The following CRTAC1 variants were observed in gnomAD, a reference collection of about 807,000 sequenced individuals.
CRTAC1 encodes cartilage acidic protein 1.
A neutral mutation model predicts 67.8 loss-of-function variants in CRTAC1; 37 were observed. The observed-to-expected ratio is 0.55, with a 90% CI of 0.42 to 0.72. The LOEUF is 0.72. CRTAC1 is among the 30% of genes least tolerant of loss of function. CRTAC1 has a pLI of 0.00. For missense variants in CRTAC1, 780 were observed against 931.6 expected (o/e 0.84, Z 2.12); for synonymous variants, 348 against 371.0 (o/e 0.94, Z 0.71).
chr10:97,986,660 G>A (rs1464739207), intron 2 of CRTAC1, among the ~76,000 whole-genome samples: 3 of 152,070 alleles, frequency 2.0e-5, no homozygotes, highest in South Asian at 4.1e-4. Flanking sequence ...TAATTTTAGC[G>A]TTATGAAAAT....
At chr10:97,952,684 T>C (rs527402604) in intron 2 of CRTAC1, among the ~76,000 whole-genome samples, 2 of 151,478 alleles carry the variant, frequency 1.3e-5, no homozygotes, top group Non-Finnish European at 2.9e-5. Flanking sequence ...GTGAGACCCA[T>C]CCCTGGTCCT....
intron 11 of CRTAC1, among the ~76,000 whole-genome samples, chr10:97,894,999 A>G (rs1282645185): frequency 6.6e-6 from 1 of 151,784 alleles, no homozygotes; most frequent in Non-Finnish European, 1.5e-5. Context: ...AAGGTGAACT[A>G]ATTCCACAGA....
chr10:97,969,670 C>T (rs566974796), intron 2 of CRTAC1, among the ~76,000 whole-genome samples: 47 of 152,214 alleles, frequency 3.1e-4, no homozygotes, highest in Admixed American at 1.5e-3. Context: ...AGACCATGGA[C>T]GACCCCACAG....
chr10:97,933,215 T>C (rs559636101), intron 3 of CRTAC1, among the ~76,000 whole-genome samples: 4 of 152,214 alleles, frequency 2.6e-5, no homozygotes, highest in Non-Finnish European at 5.9e-5. Flanking sequence ...ACCAATGGGA[T>C]CACTCAACTG....
At chr10:97,979,281 T>A (rs1305598023) in intron 2 of CRTAC1, among the ~76,000 whole-genome samples, 2 of 152,204 alleles carry the variant, frequency 1.3e-5, no homozygotes, top group Non-Finnish European at 2.9e-5. Flanking sequence ...ACTCTGGACA[T>A]GCTCAGTTAG....
intron 1 of CRTAC1, among the ~76,000 whole-genome samples, chr10:98,024,698 G>T (rs577335527): frequency 1.1e-4 from 16 of 142,822 alleles, no homozygotes; most frequent in African/African-American, 4.1e-4. Flanking sequence ...TAGGGTTTTT[G>T]AAGGGCAAAT....
At chr10:97,880,437 A>T (rs762271485) in intron 13 of CRTAC1, 45 bp from the exon 14 acceptor site, 1 of 1,600,520 alleles carries the variant, frequency 6.2e-7, no homozygotes, top group South Asian at 1.1e-5. Context: ...GTGGGGCAGC[A>T]AGTACCAGCC....
At chr10:97,884,139 C>T (rs2136541738) in intron 12 of CRTAC1, 67 bp downstream of exon 12, 1 of 1,512,568 alleles carries the variant, frequency 6.6e-7, no homozygotes, top group Non-Finnish European at 8.9e-7. Flanking sequence ...GGGAACCCAG[C>T]TTCAGCCCAT....
chr10:97,926,877 G>C (rs1017915102), intron 3 of CRTAC1, among the ~76,000 whole-genome samples: 1 of 152,142 alleles, frequency 6.6e-6, no homozygotes, highest in Non-Finnish European at 1.5e-5. Flanking sequence ...AGCCTCTGAG[G>C]ATGGTCTCTG....
At chr10:97,922,912 G>T (rs1192530715) in intron 4 of CRTAC1, among the ~76,000 whole-genome samples, 1 of 152,190 alleles carries the variant, frequency 6.6e-6, no homozygotes, top group African/African-American at 2.4e-5. Flanking sequence ...ATGAATACAG[G>T]CAGGATTTAG....
At chr10:97,937,770 TG>T in intron 2 of CRTAC1, among the ~76,000 whole-genome samples, 2 of 152,294 alleles carry the variant, frequency 1.3e-5, no homozygotes, top group Middle Eastern at 6.8e-3. Context: ...GGCCTCTTCC[TG>T]CCCACTGGGA....
At chr10:97,928,230 C>G (rs1019323053) in intron 3 of CRTAC1, among the ~76,000 whole-genome samples, 2 of 152,094 alleles carry the variant, frequency 1.3e-5, no homozygotes, top group Non-Finnish European at 2.9e-5. Flanking sequence ...GTAGAACCAC[C>G]ATTTGCTGCC....
At chr10:97,931,070 T>C (rs2147879) in intron 3 of CRTAC1, among the ~76,000 whole-genome samples, 135,152 of 152,270 alleles carry the variant, frequency 0.89, 60,550 homozygotes, top group South Asian at 0.96. Context: ...TATGAGCAGA[T>C]AAGAAATTCA....
intron 2 of CRTAC1, among the ~76,000 whole-genome samples, chr10:97,947,239 T>C (rs578143576): frequency 1.3e-5 from 2 of 152,304 alleles, no homozygotes; most frequent in South Asian, 4.2e-4. Context: ...CGAGGTACTG[T>C]GATGGACGCA....
intron 2 of CRTAC1, among the ~76,000 whole-genome samples, chr10:97,964,290 A>G (rs1035396861): frequency 6.6e-6 from 1 of 152,234 alleles, no homozygotes; most frequent in African/African-American, 2.4e-5. Context: ...AGCATGTGAG[A>G]AATGACAGCC....
chr10:97,914,876 T>C (rs10883015), intron 5 of CRTAC1, among the ~76,000 whole-genome samples: 108,934 of 151,946 alleles, frequency 0.72, 39,395 homozygotes, highest in East Asian at 0.84. Context: ...ATCTCTCGCT[T>C]GGCCACCCTC....
Position 97,872,157 on chromosome 10 carries a change from C to T in CRTAC1, c.1820-6443G>A, listed in dbSNP as rs575167667. Among the ~76,000 whole-genome samples the T allele has an allele frequency of 6.4e-4, 93 of 146,302 alleles. 2 individuals are homozygous for T. In the South Asian group the frequency reaches 0.022, roughly 34 times the overall value. On this transcript the variant is annotated intron_variant, in intron 14 of 14. Coordinates refer to ENST00000370597, the MANE Select transcript of CRTAC1 (RefSeq NM_018058.7). ...CTATCCTGAGTGCTTGTTTCAGGGC[C>T]TGGCCCTGGCCAGGTGAATGGAAGA... is the stretch of plus-strand genomic sequence containing the variant.
chr10:97,930,107 C>T (rs11189446), intron 3 of CRTAC1, among the ~76,000 whole-genome samples: 123,746 of 152,158 alleles, frequency 0.81, 51,420 homozygotes, highest in Non-Finnish European at 0.89. Context: ...GCCAGGAAGG[C>T]AGAGTCTTCA....
chr10:97,927,681 G>T (rs2050941685), intron 3 of CRTAC1, among the ~76,000 whole-genome samples: 1 of 152,246 alleles, frequency 6.6e-6, no homozygotes, highest in Non-Finnish European at 1.5e-5. Flanking sequence ...GAGCCTTGTA[G>T]ATCATAAATG....
Sources: gnomAD v4.1 joint callset for allele counts (sites outside exome capture counted in the v4.1 genomes callset) on GRCh38, gnomAD v4.1.1 for gene constraint, MANE v1.5 for transcripts, NCBI Gene and HGNC (gene_info 2026-07-23, HGNC 2026-07-21) for gene names.